Variants in CCDC134 observed in about 807,000 individuals in gnomAD.
CCDC134 encodes the protein coiled-coil domain-containing protein 134.
A neutral mutation model predicts 25.6 loss-of-function variants in CCDC134; 27 were observed. That is an observed-to-expected ratio of 1.05 (90% CI 0.78 to 1.45). The LOEUF is 1.45. Among genes scored for constraint, CCDC134 ranks in the 40% most tolerant of loss-of-function variants. The pLI is 0.00. For synonymous variants in CCDC134, 110 were observed against 115.0 expected (o/e 0.96, Z 0.28); for missense variants, 261 against 286.7 (o/e 0.91, Z 0.65).
At chr22:41,823,903 T>G (rs1299367983) in intron 6 of CCDC134, among the ~76,000 whole-genome samples, 1 of 152,220 alleles carries the variant, frequency 6.6e-6, no homozygotes, top group East Asian at 1.9e-4. Flanking sequence ...GAATCGATTG[T>G]TTTTTTTCTC....
At position 41,832,036 on chromosome 22, in the gene CCDC134, G is replaced by GT. The variant is rs548889551; in HGVS notation, c.*6214dup. ...ATGTGTCTGCCTCCACACAGCCTGT[G>GT]TGTTCTTAATTATTGATCACTAAGC... On this transcript the variant is annotated 3_prime_UTR_variant, in exon 7 of 7. Coordinates refer to ENST00000255784, the MANE Select transcript of CCDC134 (RefSeq NM_024821.5). 5 of 152,326 alleles carry GT rather than the reference G, an allele frequency of 3.3e-5. No homozygotes were observed. The South Asian group carries it at 1.0e-3, about 32-fold the overall frequency. The allele number at this position is 152,326 out of a possible 1,614,324, so 9.4% of individuals were successfully genotyped here. A position where few individuals can be genotyped will look rare whatever the true frequency, so the allele number is the denominator to read the frequency against.
At chr22:41,823,110 T>G (rs1164612538) in intron 6 of CCDC134, among the ~76,000 whole-genome samples, 1 of 152,212 alleles carries the variant, frequency 6.6e-6, no homozygotes, top group Admixed American at 6.5e-5. Flanking sequence ...TCTTGGAAAC[T>G]GTGACTTTAA....
chr22:41,817,065 C>T (rs1299765727), intron 6 of CCDC134, among the ~76,000 whole-genome samples: 1 of 152,034 alleles, frequency 6.6e-6, no homozygotes, highest in African/African-American at 2.4e-5. Context: ...TGTATAGAGA[C>T]CTGTTATATC....
chr22:41,824,391 A>T (rs1214977955), intron 6 of CCDC134, among the ~76,000 whole-genome samples: 1 of 151,848 alleles, frequency 6.6e-6, no homozygotes, highest in African/African-American at 2.4e-5. Flanking sequence ...GGACCTGCAG[A>T]TACACCATGT....
At position 41,831,515 on chromosome 22, in the gene CCDC134, G is replaced by A. The variant is rs990951861; in HGVS notation, c.*5692G>A. ...TCCTTATTTTTTCAATTGCAATACA[G>A]CAGTATGCAAGGCACTTACTGTATG... On this transcript the variant is annotated 3_prime_UTR_variant, in exon 7 of 7. Transcript: ENST00000255784. 1 of 152,212 alleles carries A rather than the reference G, an allele frequency of 6.6e-6. No homozygotes were observed. The highest frequency in any genetic ancestry group is 1.5e-5 in the Non-Finnish European group (1 of 68,058). 9.4% of individuals were successfully genotyped at this position (152,212 alleles called of 1,614,324 possible). A position where few individuals can be genotyped will look rare whatever the true frequency, so the allele number is the denominator to read the frequency against.
At chr22:41,824,658 G>A (rs1234404583) in intron 6 of CCDC134, among the ~76,000 whole-genome samples, 1 of 152,172 alleles carries the variant, frequency 6.6e-6, no homozygotes, top group Non-Finnish European at 1.5e-5. Flanking sequence ...TACTTGGGAG[G>A]CTGAGGCAGG....
chr22:41,823,819 T>C (rs529984602), intron 6 of CCDC134, among the ~76,000 whole-genome samples: 1 of 152,240 alleles, frequency 6.6e-6, no homozygotes, highest in African/African-American at 2.4e-5. Flanking sequence ...GGGAAGAAAT[T>C]GGAGTACCCA....
chr22:41,809,994 C>CT lies in CCDC134; in HGVS notation c.222dup (p.Lys75Ter). 8 of 1,614,120 alleles carry CT rather than the reference C, an allele frequency of 5.0e-6. No individual in the cohort carries two copies. Among genetic ancestry groups the CT allele is most frequent in the Non-Finnish European group, 6.8e-6 (8 of 1,180,022 alleles). On this transcript the variant is annotated frameshift_variant, in exon 3 of 7. Coordinates refer to ENST00000255784, the MANE Select transcript of CCDC134 (RefSeq NM_024821.5). LOFTEE classifies it high-confidence loss of function. Reference sequence around the variant, plus strand: ...TCCTTGATGTCATGCTCAAGGGGCTCTTTAAGGTGTGTGCAGGCAGGGGGC... The same window carrying CT: ...TCCTTGATGTCATGCTCAAGGGGCTCTTTTAAGGTGTGTGCAGGCAGGGGGC...
In CCDC134 at chr22:41,825,376, G is replaced by T. The variant is rs923300691; in HGVS notation, c.565-322G>T. Among the ~76,000 whole-genome samples, 4 of 152,172 alleles carry T rather than the reference G, an allele frequency of 2.6e-5. No individual in the cohort carries two copies. Among genetic ancestry groups the T allele is most frequent in the Admixed American group, 6.5e-5 (1 of 15,280 alleles). Reference sequence around the variant, plus strand: ...CAGCAGGTGTGGGGCTCCCGGGTCTGTGGTGGTCTCAGCCACTCTACTCCC... The same window carrying T: ...CAGCAGGTGTGGGGCTCCCGGGTCTTTGGTGGTCTCAGCCACTCTACTCCC... On this transcript the variant is annotated intron_variant, in intron 6 of 6. Transcript: ENST00000255784. This position sits in a 1 kb window ranked among gnomAD's most constrained non-coding sequence, Gnocchi z 4.4.
intron 1 of CCDC134, among the ~76,000 whole-genome samples, chr22:41,804,099 C>T (rs1304433817): frequency 6.6e-6 from 1 of 152,174 alleles, no homozygotes; most frequent in African/African-American, 2.4e-5. Context: ...CACCACTGCA[C>T]TCCAGCCTGG....
At chr22:41,805,670 C>T (rs2076564490) in intron 1 of CCDC134, among the ~76,000 whole-genome samples, 1 of 152,176 alleles carries the variant, frequency 6.6e-6, no homozygotes, top group Non-Finnish European at 1.5e-5. Flanking sequence ...TGGCTCATGC[C>T]TGTAATCTCA....
At chr22:41,819,566 G>A (rs1046612564) in intron 6 of CCDC134, among the ~76,000 whole-genome samples, 1 of 152,140 alleles carries the variant, frequency 6.6e-6, no homozygotes, top group African/African-American at 2.4e-5. Flanking sequence ...CTGTTCTCCT[G>A]GGAGTGGCAT....
In CCDC134 at chr22:41,831,573, G is replaced by C. The variant is rs936789841; in HGVS notation, c.*5750G>C. 2 of 152,244 alleles carry C rather than the reference G, an allele frequency of 1.3e-5. No homozygotes were observed. The highest frequency in any genetic ancestry group is 4.8e-5 in the African/African-American group (2 of 41,466). 9.4% of individuals were successfully genotyped at this position (152,244 alleles called of 1,614,324 possible). On this transcript the variant is annotated 3_prime_UTR_variant, in exon 7 of 7. Transcript: ENST00000255784. ...TTATGCCGAGAGCTGGCTGCCAGCAGCTCCTCCTGCCTCGAGGCCTTTGTC... is the reference window on the plus strand; with the variant it reads ...TTATGCCGAGAGCTGGCTGCCAGCACCTCCTCCTGCCTCGAGGCCTTTGTC...
At chr22:41,819,999 A>ATATATATAT (rs1491457516) in intron 6 of CCDC134, among the ~76,000 whole-genome samples, 97 of 108,892 alleles carry the variant, frequency 8.9e-4, no homozygotes, top group East Asian at 6.0e-3. Context: ...ATATATATAT[A>ATATATATAT]ATTTTTTTTT....
chr22:41,808,671 C>T (rs73428974), intron 1 of CCDC134, among the ~76,000 whole-genome samples: 2,591 of 152,284 alleles, frequency 0.017, 73 homozygotes, highest in African/African-American at 0.058. Flanking sequence ...TTATCTTTCT[C>T]CCCACCTCCT....
intron 4 of CCDC134, 40 bp downstream of exon 4, chr22:41,810,331 C>G (rs771746092): frequency 6.4e-7 from 1 of 1,552,004 alleles, no homozygotes; most frequent in South Asian, 1.1e-5. Flanking sequence ...CCGCACCACC[C>G]GATCTTCTCT....
intron 1 of CCDC134, among the ~76,000 whole-genome samples, chr22:41,807,105 G>A (rs2076571540): frequency 6.6e-6 from 1 of 152,084 alleles, no homozygotes; most frequent in Admixed American, 6.6e-5. Flanking sequence ...CTGGCTCTTA[G>A]TTAAAAGCAT....
chr22:41,827,253 T>C lies in CCDC134; in HGVS notation c.*1430T>C, dbSNP rs1465684627. Among the ~76,000 whole-genome samples, 1 of 151,898 alleles carries C rather than the reference T, an allele frequency of 6.6e-6. No individual in the cohort carries two copies. The highest frequency in any genetic ancestry group is 1.9e-4 in the East Asian group (1 of 5,168). ...GGGGCTGGGAGGAGTGCTGGAGAAA[T>C]TTCCCCATCAGAAGGCCCCTCACTG... On this transcript the variant is annotated 3_prime_UTR_variant, in exon 7 of 7. Coordinates refer to ENST00000255784, the MANE Select transcript of CCDC134 (RefSeq NM_024821.5).
chr22:41,808,722 G>C (rs573057539), intron 1 of CCDC134, among the ~76,000 whole-genome samples, 153 bp from the exon 2 acceptor site: 1 of 152,328 alleles, frequency 6.6e-6, no homozygotes, highest in Admixed American at 6.5e-5. Context: ...CTGGCCCTGG[G>C]ATAAGAGCTG....
Sources: allele counts gnomAD v4.1 joint callset (sites outside exome capture counted in the v4.1 genomes callset), GRCh38; gene constraint gnomAD v4.1.1; non-coding constraint Gnocchi (gnomAD v3.1); transcripts MANE v1.5; gene names NCBI Gene and HGNC (gene_info 2026-07-23, HGNC 2026-07-21).